Variants in LARP1 observed in about 807,000 individuals in gnomAD.
LARP1 encodes la-related protein 1.
LARP1 carries 36 observed loss-of-function variants against 122.7 expected under a neutral mutation model. The ratio of observed to expected loss-of-function variants is 0.29; its 90% confidence interval spans 0.22 to 0.39. LARP1 has a LOEUF of 0.39. Ranked by LOEUF, LARP1 falls within the 10% of genes least tolerant of loss-of-function variation. LARP1 has a pLI of 1.00. For synonymous variants in LARP1, 539 were observed against 528.7 expected, an observed-to-expected ratio of 1.02 and a Z score of -0.27; for missense variants, 1,040 against 1,403.6, an observed-to-expected ratio of 0.74 and a Z score of 4.14.
Position 154,755,552 on chromosome 5 carries a change from C to A in LARP1, c.-206C>A. ...CTGCAGAGTGGGGGGCCTTCCTCCC[C>A]CCCCGCCCCGCTAGTGGGCCTCGGA... On this transcript the variant is annotated 5_prime_UTR_variant, in exon 1 of 19. Coordinates refer to ENST00000518297, the MANE Select transcript of LARP1 (RefSeq NM_033551.3). The A allele has an allele frequency of 2.0e-6, 2 of 987,424 alleles. No individual in the cohort carries two copies. The highest frequency in any genetic ancestry group is 1.2e-6 in the Non-Finnish European group (1 of 830,082). The allele number at this position is 987,424 out of a possible 1,614,324, so 61.2% of individuals were successfully genotyped here.
At position 154,755,890 on chromosome 5, in the gene LARP1, C is replaced by G; in HGVS notation, c.133C>G (p.Arg45Gly). Residue 45 changes from arginine (R) to glycine (G), a missense_variant, in exon 1 of 19, where the codon CGC (arginine) becomes GGC (glycine). Physicochemically the swap from Arg to Gly is moderately radical, Grantham distance 125. Around this residue, in one of 8 missense-constraint regions of LARP1, gnomAD observed 257 missense variants for 273.3 expected, o/e 0.94. Transcript: ENST00000518297. The stretch of plus-strand genomic sequence containing the variant: ...GGGCGAGCCCGGGCCAAACGACGTC[C>G]GCGGGGGGGAGCCGGACGGCAGCGC... ...GKGEPGPNDV[R>G]GGEPDGSARR... 3 of 1,012,262 alleles carry G rather than the reference C, an allele frequency of 3.0e-6. No homozygotes were observed. The highest frequency in any genetic ancestry group is 3.5e-6 in the Non-Finnish European group (3 of 845,760). The allele number at this position is 1,012,262 out of a possible 1,614,324, so 62.7% of individuals were successfully genotyped here.
chr5:154,791,206 C>T (rs1283270921), intron 3 of LARP1, among the ~76,000 whole-genome samples: 2 of 145,064 alleles, frequency 1.4e-5, no homozygotes, highest in Non-Finnish European at 3.0e-5. Context: ...GTGATCTCGG[C>T]TCACTGCAAC....
chr5:154,755,892 C>CGG lies in LARP1; in HGVS notation c.141_142dup (p.Glu48GlyfsTer78). On this transcript the variant is annotated frameshift_variant, in exon 1 of 19. Coordinates refer to ENST00000518297, the MANE Select transcript of LARP1 (RefSeq NM_033551.3). LOFTEE classifies it high-confidence loss of function. ...GCGAGCCCGGGCCAAACGACGTCCG[C>CGG]GGGGGGGAGCCGGACGGCAGCGCTC... 3.0e-6 allele frequency: 3 copies of CGG among 1,011,114 alleles called. No homozygotes were observed. Among genetic ancestry groups the CGG allele is most frequent in the Non-Finnish European group, 3.6e-6 (3 of 845,018 alleles). 62.6% of individuals were successfully genotyped at this position (1,011,114 alleles called of 1,614,324 possible).
rs138415109 is a variant in LARP1 at position 154,706,295 on chromosome 5, A to AAATAAT, written c.-180+23294_-180+23299dup. On this transcript the variant is annotated intron_variant, in intron 1 of 18. Transcript: ENST00000687700. ...GGAGACAGAGTGCGACTTTGTCTCA[A>AAATAAT]AATAATAATAATAATAATAATAATA... Among the ~76,000 whole-genome samples the AAATAAT allele has an allele frequency of 9.5e-3, 1,359 of 142,656 alleles. 11 individuals carry two copies. The highest frequency in any genetic ancestry group is 0.024 in the African/African-American group (913 of 38,500). 93.6% of individuals were successfully genotyped at this position (142,656 alleles called of 152,430 possible).
intron 1 of LARP1, among the ~76,000 whole-genome samples, chr5:154,714,593 G>T (rs1240430732): frequency 3.3e-5 from 5 of 152,194 alleles, no homozygotes; most frequent in African/African-American, 1.2e-4. Context: ...ATGACCCTGG[G>T]TGTAAGTCAC....
At chr5:154,806,214 A>T (rs1466358957) in intron 15 of LARP1, among the ~76,000 whole-genome samples, 182 bp downstream of exon 15, 2 of 152,204 alleles carry the variant, frequency 1.3e-5, no homozygotes, top group African/African-American at 4.8e-5. Flanking sequence ...AACTGTAGGA[A>T]GCTAGGGGGA....
At chr5:154,696,009 T>C (rs1427734262) in intron 1 of LARP1, among the ~76,000 whole-genome samples, 1 of 152,068 alleles carries the variant, frequency 6.6e-6, no homozygotes, top group African/African-American at 2.4e-5. Flanking sequence ...AGCAGCTAGG[T>C]TTAGATCAAC....
At chr5:154,762,377 C>T (rs1002002310) in intron 1 of LARP1, among the ~76,000 whole-genome samples, 3 of 152,080 alleles carry the variant, frequency 2.0e-5, no homozygotes, top group South Asian at 2.1e-4. Flanking sequence ...TGTGCCTTTC[C>T]GGAACTGAGT....
intron 1 of LARP1, among the ~76,000 whole-genome samples, chr5:154,723,586 A>G (rs1158842964): frequency 6.6e-6 from 1 of 152,204 alleles, no homozygotes; most frequent in East Asian, 1.9e-4. Context: ...TCTGACATAT[A>G]TTCTAGGGGG....
chr5:154,693,554 CAGATGAAAG>C (rs1754321316), intron 1 of LARP1, among the ~76,000 whole-genome samples: 1 of 152,052 alleles, frequency 6.6e-6, no homozygotes, highest in Non-Finnish European at 1.5e-5. Context: ...TTGAATTGCC[CAGATGAAAG>C]TTCTTTTCTC....
chr5:154,786,480 C>G (rs150028796), intron 1 of LARP1: 2 of 456,006 alleles, frequency 4.4e-6, no homozygotes, highest in East Asian at 1.4e-4. Flanking sequence ...CTTCCAGATA[C>G]CCTTTAGGGC....
intron 1 of LARP1, among the ~76,000 whole-genome samples, chr5:154,746,250 A>C (rs1257824700): frequency 1.3e-5 from 2 of 152,160 alleles, no homozygotes; most frequent in African/African-American, 2.4e-5. Flanking sequence ...TTGTTTCCAC[A>C]CTAGTCTCTA....
chr5:154,811,485 C>G, intron 17 of LARP1, 28 bp from the exon 18 acceptor site: 1 of 1,614,164 alleles, frequency 6.2e-7, no homozygotes, highest in Non-Finnish European at 8.5e-7. Context: ...TCCTCACCAG[C>G]TCAGCTTTTC....
chr5:154,754,140 A>G (rs1328678556), upstream of LARP1, among the ~76,000 whole-genome samples: 1 of 152,216 alleles, frequency 6.6e-6, no homozygotes, highest in Non-Finnish European at 1.5e-5. Context: ...TAGCCCATCT[A>G]GTCTAACTGA....
At chr5:154,721,447 A>G (rs1402239602) in intron 1 of LARP1, among the ~76,000 whole-genome samples, 1 of 152,086 alleles carries the variant, frequency 6.6e-6, no homozygotes, top group Non-Finnish European at 1.5e-5. Flanking sequence ...TATGACATAA[A>G]GGAAAGCCGA....
At chr5:154,794,874 T>A (rs1757622920) in intron 7 of LARP1, among the ~76,000 whole-genome samples, 1 of 152,196 alleles carries the variant, frequency 6.6e-6, no homozygotes, top group Non-Finnish European at 1.5e-5. Flanking sequence ...ATAAGTGTTT[T>A]AGGAGCAGAA....
chr5:154,747,242 G>A (rs951096388), intron 1 of LARP1, among the ~76,000 whole-genome samples: 18 of 151,158 alleles, frequency 1.2e-4, no homozygotes, highest in African/African-American at 4.1e-4. Flanking sequence ...GGAGACGGAG[G>A]TTGCAGTGAG....
At chr5:154,697,002 G>T (rs1395154354) in intron 1 of LARP1, among the ~76,000 whole-genome samples, 5 of 152,194 alleles carry the variant, frequency 3.3e-5, no homozygotes, top group African/African-American at 1.2e-4. Flanking sequence ...TAGGGCAAAG[G>T]AAGCAATCTG....
At position 154,755,798 on chromosome 5, in the gene LARP1, C is replaced by A. The variant is rs1184939761; in HGVS notation, c.41C>A (p.Thr14Lys). The stretch of plus-strand genomic sequence containing the variant: ...GAGCCGCTGCTGCCTGGGGGCGCCA[C>A]GCTCTTGCAGGCCGAAGAGCACGGG... ...QVEPLLPGGA[T>K]LLQAEEHGGL... The change falls in exon 1 of 19, where the codon ACG becomes AAG. Residue 14 changes from threonine (T) to lysine (K), a missense_variant. Coordinates refer to ENST00000518297, the MANE Select transcript of LARP1 (RefSeq NM_033551.3). 3 of 989,764 alleles carry A rather than the reference C, an allele frequency of 3.0e-6. No individual in the cohort carries two copies. Among genetic ancestry groups the A allele is most frequent in the Non-Finnish European group, 3.6e-6 (3 of 832,506 alleles). The allele number at this position is 989,764 out of a possible 1,614,324, so 61.3% of individuals were successfully genotyped here. A position where few individuals can be genotyped will look rare whatever the true frequency, so the allele number is the denominator to read the frequency against.
Sources: gnomAD v4.1 joint callset for allele counts (sites outside exome capture counted in the v4.1 genomes callset) on GRCh38, gnomAD v4.1.1 for gene constraint, gnomAD v4.1.1 regional missense constraint, MANE v1.5 for transcripts, NCBI Gene and HGNC (gene_info 2026-07-23, HGNC 2026-07-21) for gene names.